ADGRV1: variants seen among roughly 807,000 people sequenced by gnomAD.
The protein encoded by ADGRV1 is adhesion G protein-coupled receptor V1.
In ADGRV1, 359 loss-of-function variants were observed where a neutral mutation model predicts 596.2. That is an observed-to-expected ratio of 0.60 (90% CI 0.55 to 0.66). The LOEUF (loss-of-function observed/expected upper bound fraction) is 0.66. Ranked by LOEUF, ADGRV1 falls within the 30% of genes least tolerant of loss-of-function variation. The pLI, the probability that ADGRV1 is intolerant of heterozygous loss-of-function variation, is 0.00. For missense variants in ADGRV1, 7,274 were observed against 7,575.6 expected, an observed-to-expected ratio of 0.96 and a Z score of 1.48; for synonymous variants, 2,681 against 2,679.2, an observed-to-expected ratio of 1.00 and a Z score of -0.02.
chr5:90,601,225 G>A (rs560105725), intron 1 of ADGRV1, among the ~76,000 whole-genome samples: 2 of 147,920 alleles, frequency 1.4e-5, no homozygotes, highest in Admixed American at 6.7e-5. Context: ...CAACAAGAGT[G>A]AAACTCCATC....
chr5:91,033,641 T>C (rs2662280), intron 85 of ADGRV1, among the ~76,000 whole-genome samples: 112,490 of 152,052 alleles, frequency 0.74, 42,925 homozygotes, highest in African/African-American at 0.93. Context: ...GGCATTAAAC[T>C]TTGCCCTTCC....
At chr5:90,757,204 C>A (rs781673541) in intron 57 of ADGRV1, 43 bp downstream of exon 57, 52 of 1,557,368 alleles carry the variant, frequency 3.3e-5, no homozygotes, top group Admixed American at 6.8e-5. Flanking sequence ...AGTTGTGCTT[C>A]AGACATTTTG....
chr5:90,780,581 A>C (rs2150088725), intron 64 of ADGRV1, among the ~76,000 whole-genome samples: 1 of 152,342 alleles, frequency 6.6e-6, no homozygotes, highest in East Asian at 1.9e-4. Flanking sequence ...CTTTTGCAGA[A>C]GTATCATTAC....
In ADGRV1 at chr5:90,783,935, G is replaced by A. The variant is rs1237179899; in HGVS notation, c.13531G>A (p.Asp4511Asn). ...GAGCAGAATCATAATAGCTAAGAGT[G>A]ACTCTCCCTTTGGAGTTATAAGGTT... ...LVSRIIIAKSDSPFGVIRFLN... is the reference protein window; with the variant it reads ...LVSRIIIAKSNSPFGVIRFLN... The change falls in exon 67 of 90, where the codon GAC (aspartate) becomes AAC (asparagine). Residue 4511 changes from aspartate (D) to asparagine (N), a missense_variant. Physicochemically the swap from Asp to Asn is conservative, Grantham distance 23 (BLOSUM62 1). This residue lies in a region of ADGRV1 where 3,643 missense variants were observed against 3,809.2 expected (regional missense o/e 0.96). Coordinates refer to ENST00000405460, the MANE Select transcript of ADGRV1 (RefSeq NM_032119.4). The A allele has an allele frequency of 6.2e-7, 1 of 1,612,320 alleles. No homozygotes were observed. Among genetic ancestry groups the A allele is most frequent in the South Asian group, 1.1e-5 (1 of 90,660 alleles).
intron 1 of ADGRV1, among the ~76,000 whole-genome samples, chr5:90,560,336 T>G (rs958836055): frequency 1.3e-5 from 2 of 152,148 alleles, no homozygotes; most frequent in Non-Finnish European, 2.9e-5. Flanking sequence ...CTCATTTCCA[T>G]GATGAATAAA....
At chr5:90,753,544 A>T (rs761622221) in intron 53 of ADGRV1, 30 bp from the exon 54 acceptor site, 1 of 1,527,048 alleles carries the variant, frequency 6.5e-7, no homozygotes, top group Admixed American at 1.7e-5. Context: ...ATTACAAAAT[A>T]AATAACATCT....
At chr5:90,778,831 A>G in intron 63 of ADGRV1, 34 bp from the exon 64 acceptor site, 2 of 1,544,808 alleles carry the variant, frequency 1.3e-6, no homozygotes, top group South Asian at 1.2e-5. Flanking sequence ...TAGATTAAAC[A>G]TCCAAATCAA....
intron 39 of ADGRV1, 42 bp downstream of exon 39, chr5:90,708,951 A>G (rs1748969846): frequency 7.5e-7 from 1 of 1,327,060 alleles, no homozygotes; most frequent in Non-Finnish European, 1.1e-6. Context: ...CTCACTTCAA[A>G]TGAAATGAAG....
At chr5:90,679,690 G>A in intron 26 of ADGRV1, 61 bp downstream of exon 26, 1 of 1,125,086 alleles carries the variant, frequency 8.9e-7, no homozygotes, top group Non-Finnish European at 1.3e-6. Context: ...TCTCATTTTA[G>A]AGACAATACT....
intron 4 of ADGRV1, among the ~76,000 whole-genome samples, chr5:90,620,639 T>G (rs13162385): frequency 6.6e-6 from 1 of 152,150 alleles, no homozygotes; most frequent in Non-Finnish European, 1.5e-5. Context: ...TTGTTGCCAT[T>G]GCTTTTGGTG....
intron 86 of ADGRV1, among the ~76,000 whole-genome samples, chr5:91,089,673 G>A (rs1790214067): frequency 6.6e-6 from 1 of 152,120 alleles, no homozygotes; most frequent in South Asian, 2.1e-4. Context: ...CAAGATTTCA[G>A]CATTGAATTT....
At chr5:90,564,060 T>C (rs867562384) in intron 1 of ADGRV1, among the ~76,000 whole-genome samples, 1 of 152,240 alleles carries the variant, frequency 6.6e-6, no homozygotes, top group African/African-American at 2.4e-5. Flanking sequence ...ATAGTACATT[T>C]TTCATTCTTC....
Position 90,823,594 on chromosome 5 carries a change from A to G in ADGRV1, c.16366A>G (p.Lys5456Glu), listed in dbSNP as rs1337002563. 1 of 1,613,364 alleles carries G rather than the reference A, an allele frequency of 6.2e-7. No homozygotes were observed. The highest frequency in any genetic ancestry group is 2.2e-5 in the East Asian group (1 of 44,864). ...CFISIELKPE[K>E]VPQVEVYFFV... Reference sequence around the variant, plus strand: ...TATCAGCATTGAACTCAAACCAGAAAAGGTAAGAAATGAAGAGACACACTA... The same window carrying G: ...TATCAGCATTGAACTCAAACCAGAAGAGGTAAGAAATGAAGAGACACACTA... The change falls in exon 76 of 90, where the codon AAG becomes GAG. Residue 5456 changes from lysine (K) to glutamate (E), a missense_variant and splice_region_variant. By Grantham distance (56) the Lys-to-Glu change is moderately conservative. Around this residue, in one of 5 missense-constraint regions of ADGRV1, gnomAD observed 1,874 missense variants for 1,970.2 expected, o/e 0.95. Coordinates refer to ENST00000405460, the MANE Select transcript of ADGRV1 (RefSeq NM_032119.4).
chr5:90,965,372 G>A lies in ADGRV1; in HGVS notation c.17857-43G>A, dbSNP rs370558558. 1.8e-4 allele frequency: 215 copies of A among 1,193,844 alleles called. 2 individuals are homozygous for A. Among genetic ancestry groups the A allele is most frequent in the African/African-American group, 1.7e-3 (113 of 66,902 alleles). 74.0% of individuals were successfully genotyped at this position (1,193,844 alleles called of 1,614,324 possible). ...GTTTACTTTCTTAATATTCTTCATC[G>A]ATTTTAGCATATTTTAAAAATAGAA... On this transcript the variant is annotated intron_variant, in intron 83 of 89. Transcript: ENST00000405460.
chr5:91,022,868 T>C (rs1783754256), intron 85 of ADGRV1, among the ~76,000 whole-genome samples: 1 of 152,124 alleles, frequency 6.6e-6, no homozygotes, highest in African/African-American at 2.4e-5. Context: ...CAAGTTACAG[T>C]TTTAGCCTGC....
chr5:90,590,101 T>G (rs1315571184), intron 1 of ADGRV1, among the ~76,000 whole-genome samples: 2 of 152,210 alleles, frequency 1.3e-5, no homozygotes, highest in African/African-American at 2.4e-5. Flanking sequence ...TTATAAGAAT[T>G]AAAATGACAC....
chr5:90,575,240 A>G (rs1383990220), intron 1 of ADGRV1, among the ~76,000 whole-genome samples: 3 of 149,944 alleles, frequency 2.0e-5, no homozygotes, highest in Admixed American at 2.0e-4. Context: ...ATTTTATTTT[A>G]TTTTATTTTG....
At chr5:90,864,370 T>C (rs1488035000) in intron 83 of ADGRV1, among the ~76,000 whole-genome samples, 3 of 152,190 alleles carry the variant, frequency 2.0e-5, no homozygotes, top group Non-Finnish European at 4.4e-5. Context: ...ATTTAAAGTA[T>C]CTAGTTTAAA....
In ADGRV1 at chr5:91,096,242, A is replaced by G. The variant is rs566842288; in HGVS notation, c.18311-5977A>G. Among the ~76,000 whole-genome samples the G allele has an allele frequency of 7.9e-5, 12 of 152,384 alleles. No homozygotes were observed. The South Asian group carries it at 1.7e-3, about 21-fold the overall frequency. On this transcript the variant is annotated intron_variant, in intron 86 of 89. Transcript: ENST00000405460. ...TTCATGTAAATGGAGTGTGATTTCC[A>G]TAATAAAGCCATTATTGTTGTCAGT...
Sources: allele counts gnomAD v4.1 joint callset (sites outside exome capture counted in the v4.1 genomes callset), GRCh38; gene constraint gnomAD v4.1.1; regional missense constraint gnomAD v4.1.1; transcripts MANE v1.5; gene names NCBI Gene and HGNC (gene_info 2026-07-23, HGNC 2026-07-21).